CHAT: variants seen among roughly 807,000 people sequenced by gnomAD.
CHAT encodes acetyl CoA:choline O-acetyltransferase.
Under a neutral mutation model 76.9 loss-of-function variants are expected in CHAT, and 61 were observed. That is an observed-to-expected ratio of 0.79 (90% CI 0.65 to 0.98). The LOEUF (loss-of-function observed/expected upper bound fraction) is 0.98. CHAT is among the 50% of genes least tolerant of loss of function. The probability of loss-of-function intolerance (pLI) is 0.00; values close to 1 mark genes in which losing one functional copy is unlikely to be tolerated. For synonymous variants in CHAT, 407 were observed against 397.4 expected, an observed-to-expected ratio of 1.02 and a Z score of -0.29; for missense variants, 946 against 986.9, an observed-to-expected ratio of 0.96 and a Z score of 0.56.
chr10:49,612,699 A>G, upstream of CHAT: 2 of 256,612 alleles, frequency 7.8e-6, no homozygotes, highest in Non-Finnish European at 1.6e-5. Context: ...GCCCAAATCA[A>G]TAAACTGTGT....
chr10:49,627,470 C>A, intron 6 of CHAT, 138 bp from the exon 7 acceptor site: 1 of 896,122 alleles, frequency 1.1e-6, no homozygotes, highest in Non-Finnish European at 1.9e-6. Flanking sequence ...GGTCCCTAAA[C>A]TGAGACTAGA....
upstream of CHAT, chr10:49,613,961 G>A: frequency 1.4e-6 from 1 of 738,742 alleles, no homozygotes. Context: ...GACTTCCTCA[G>A]ACCCAACCCT....
intron 13 of CHAT, among the ~76,000 whole-genome samples, chr10:49,656,283 GTTTTTTTTTTTT>G (rs566849400): frequency 2.1e-4 from 25 of 121,246 alleles, no homozygotes; most frequent in South Asian, 2.7e-4. Context: ...TATTCAGTGG[GTTTTTTTTTTTT>G]TTTTTTTTTT....
rs554917880 is a variant in CHAT, at chr10:49,667,798, G to A, written c.*2752G>A. ...GTTCTAGATTTATGGCAATATAAAC[G>A]TGTATAGCCTTTTGATTTTAATTTC... On this transcript the variant is annotated 3_prime_UTR_variant, in exon 15 of 15. Transcript: ENST00000337653. Among the ~76,000 whole-genome samples, 22 of 152,154 alleles carry A rather than the reference G, an allele frequency of 1.4e-4. No individual in the cohort carries two copies. Among genetic ancestry groups the A allele is most frequent in the Non-Finnish European group, 2.1e-4 (14 of 68,018 alleles).
At chr10:49,650,067 G>A (rs888650865) in intron 10 of CHAT, among the ~76,000 whole-genome samples, 1 of 152,148 alleles carries the variant, frequency 6.6e-6, no homozygotes, top group Non-Finnish European at 1.5e-5. Context: ...GGGCCGTTCA[G>A]GCCCTAACGG....
At chr10:49,610,940 G>T, upstream of CHAT, 1 of 1,610,596 alleles carries the variant, frequency 6.2e-7, no homozygotes, top group Non-Finnish European at 8.5e-7. Context: ...ATGCGCGGGG[G>T]CGGCGAGGGC....
chr10:49,649,621 C>A lies in CHAT; in HGVS notation c.1496C>A (p.Ala499Glu). ...PEIQGHLASS[A>E]EKLQRIVKNL... ...ATTCAAGGCCACTTAGCCTCCTCGG[C>A]AGAAAAACTTCAACGGTAAGGATAA... Residue 499 changes from alanine (A) to glutamate (E), a missense_variant, in exon 10 of 15, where the codon GCA becomes GAA. Around this residue, in one of 3 missense-constraint regions of CHAT, gnomAD observed 349 missense variants for 393.9 expected, o/e 0.89. Coordinates refer to ENST00000337653, the MANE Select transcript of CHAT (RefSeq NM_020549.5). 6.2e-7 allele frequency: 1 copy of A among 1,613,820 alleles called. No homozygotes were observed. Among genetic ancestry groups the A allele is most frequent in the Non-Finnish European group, 8.5e-7 (1 of 1,180,024 alleles).
At chr10:49,617,543 C>T (rs943768963) in intron 2 of CHAT, among the ~76,000 whole-genome samples, 10 of 152,206 alleles carry the variant, frequency 6.6e-5, no homozygotes, top group Admixed American at 2.6e-4. Flanking sequence ...GTCTGAGCTG[C>T]GATTTCCTGC....
chr10:49,644,208 AG>A (rs1839583660), intron 7 of CHAT, among the ~76,000 whole-genome samples: 1 of 152,196 alleles, frequency 6.6e-6, no homozygotes. Context: ...TCCTGGGCAC[AG>A]CCTGCGTGAT....
chr10:49,659,467 C>T (rs1385842529), intron 13 of CHAT, among the ~76,000 whole-genome samples: 1 of 152,076 alleles, frequency 6.6e-6, no homozygotes, highest in East Asian at 1.9e-4. Flanking sequence ...GATCACAAAT[C>T]AACAGTTGTT....
At chr10:49,638,816 T>C (rs1353615841) in intron 7 of CHAT, among the ~76,000 whole-genome samples, 1 of 152,228 alleles carries the variant, frequency 6.6e-6, no homozygotes, top group Non-Finnish European at 1.5e-5. Flanking sequence ...TGAAACACAG[T>C]TTAGAAGACT....
intron 7 of CHAT, among the ~76,000 whole-genome samples, chr10:49,646,304 G>A (rs1198509419): frequency 6.6e-6 from 1 of 152,232 alleles, no homozygotes; most frequent in East Asian, 1.9e-4. Context: ...GGATCCTGGG[G>A]TAGGACAGAG....
intron 14 of CHAT, among the ~76,000 whole-genome samples, chr10:49,664,496 T>C (rs755413791): frequency 1.3e-5 from 2 of 152,156 alleles, no homozygotes; most frequent in Non-Finnish European, 2.9e-5. Context: ...AAGTGGAGAC[T>C]CAGCCCAAGA....
At chr10:49,612,930 C>T (rs996918761), upstream of CHAT, among the ~76,000 whole-genome samples, 2 of 152,202 alleles carry the variant, frequency 1.3e-5, no homozygotes, top group African/African-American at 4.8e-5. Context: ...CACCATGCTC[C>T]CCTCAGCCCA....
At position 49,646,670 on chromosome 10, in the gene CHAT, T is replaced by G. The variant is rs1179332726; in HGVS notation, c.1277T>G (p.Leu426Arg). 4 of 1,613,374 alleles carry G rather than the reference T, an allele frequency of 2.5e-6. No homozygotes were observed. The highest frequency in any genetic ancestry group is 1.3e-5 in the African/African-American group (1 of 74,932). The change falls in exon 8 of 15, where the codon CTG becomes CGG. Residue 426 changes from leucine (L) to arginine (R), a missense_variant. Around this residue, in one of 3 missense-constraint regions of CHAT, gnomAD observed 49 missense variants for 76.7 expected, o/e 0.64. Coordinates refer to ENST00000337653, the MANE Select transcript of CHAT (RefSeq NM_020549.5). The stretch of plus-strand genomic sequence containing the variant: ...GCCAATCGCTGGTACGACAAGTCCC[T>G]GCAGGTAAGCCGTCCAGGTGGCCCT... ...NGANRWYDKSLQFVVGRDGTC... is the reference protein window; with the variant it reads ...NGANRWYDKSRQFVVGRDGTC...
At chr10:49,620,962 C>G (rs1838686261) in intron 4 of CHAT, among the ~76,000 whole-genome samples, 1 of 152,196 alleles carries the variant, frequency 6.6e-6, no homozygotes, top group South Asian at 2.1e-4. Flanking sequence ...GAAACACTGC[C>G]CCAGGCTGTC....
chr10:49,620,258 C>T (rs553548827), intron 3 of CHAT, among the ~76,000 whole-genome samples: 3 of 151,970 alleles, frequency 2.0e-5, no homozygotes, highest in African/African-American at 7.2e-5. Context: ...CAGAGGACAG[C>T]GATGTAGCAC....
chr10:49,634,494 C>G (rs1348577651), intron 7 of CHAT, among the ~76,000 whole-genome samples: 3 of 152,230 alleles, frequency 2.0e-5, no homozygotes, highest in Non-Finnish European at 4.4e-5. Flanking sequence ...GGCCCTCAGG[C>G]TGCTTTGCTC....
At chr10:49,618,751 G>A (rs887817368) in intron 2 of CHAT, among the ~76,000 whole-genome samples, 4 of 152,178 alleles carry the variant, frequency 2.6e-5, no homozygotes, top group Admixed American at 2.0e-4. Flanking sequence ...GGAGTTGGGG[G>A]TTCTTCCTAG....
Sources: allele counts gnomAD v4.1 joint callset (sites outside exome capture counted in the v4.1 genomes callset), GRCh38; gene constraint gnomAD v4.1.1; regional missense constraint gnomAD v4.1.1; transcripts MANE v1.5; gene names NCBI Gene and HGNC (gene_info 2026-07-23, HGNC 2026-07-21).